The following SOX6 variants were observed in gnomAD, a reference collection of about 807,000 sequenced individuals.
SOX6 encodes the protein SRY-box transcription factor 6.
A neutral mutation model predicts 97.8 loss-of-function variants in SOX6; 11 were observed. That is an observed-to-expected ratio of 0.11 (90% CI 0.07 to 0.19). SOX6 has a LOEUF of 0.19. Among genes scored for constraint, SOX6 ranks in the 10% least tolerant of loss-of-function variants. The probability of loss-of-function intolerance (pLI) is 1.00; values close to 1 mark genes in which losing one functional copy is unlikely to be tolerated. For synonymous variants in SOX6, 360 were observed against 371.4 expected, an observed-to-expected ratio of 0.97 and a Z score of 0.35; for missense variants, 810 against 1,039.5, an observed-to-expected ratio of 0.78 and a Z score of 3.04.
intron 3 of SOX6, among the ~76,000 whole-genome samples, chr11:16,691,633 C>T (rs1328591452): frequency 6.6e-6 from 1 of 152,066 alleles, no homozygotes; most frequent in South Asian, 2.1e-4. Flanking sequence ...CCCATCTCTA[C>T]AAAAAATACA....
intron 3 of SOX6, among the ~76,000 whole-genome samples, chr11:16,657,142 G>A (rs1847727618): frequency 6.6e-6 from 1 of 152,096 alleles, no homozygotes; most frequent in Non-Finnish European, 1.5e-5. Flanking sequence ...CTAACCCCTA[G>A]CAACCACTGA....
intron 9 of SOX6, among the ~76,000 whole-genome samples, chr11:16,089,086 A>T (rs1848631056): frequency 6.6e-6 from 1 of 152,150 alleles, no homozygotes. Flanking sequence ...ACAGTGAGAA[A>T]TGAACTCAAT....
At chr11:16,450,648 A>G (rs1444022089) in intron 1 of SOX6, among the ~76,000 whole-genome samples, 1 of 152,242 alleles carries the variant, frequency 6.6e-6, no homozygotes, top group Non-Finnish European at 1.5e-5. Flanking sequence ...TTCATATATG[A>G]CAAAAACTAT....
chr11:16,021,694 G>A (rs1333622103), intron 12 of SOX6, among the ~76,000 whole-genome samples: 2 of 151,912 alleles, frequency 1.3e-5, no homozygotes, highest in East Asian at 3.9e-4. Flanking sequence ...CTATTAATTT[G>A]TCTAGTTTCT....
At chr11:16,302,566 C>CTTTTTTTTTTTTTTTTTTTTTT (rs71044096) in intron 3 of SOX6, among the ~76,000 whole-genome samples, 7 of 86,986 alleles carry the variant, frequency 8.0e-5, no homozygotes, top group Non-Finnish European at 1.3e-4. Context: ...TTCTTTTTTT[C>CTTTTTTTTTTTTTTTTTTTTTT]TTTTTTTTTT....
intron 4 of SOX6, among the ~76,000 whole-genome samples, chr11:16,213,805 C>G (rs948918251): frequency 6.6e-6 from 1 of 152,132 alleles, no homozygotes. Context: ...AATTTCAAAA[C>G]TAACTTCATT....
intron 12 of SOX6, among the ~76,000 whole-genome samples, chr11:16,030,052 A>T (rs1258331852): frequency 1.3e-5 from 2 of 152,194 alleles, no homozygotes; most frequent in Non-Finnish European, 2.9e-5. Context: ...TTGCTTCTAG[A>T]GAGCCAAACT....
intron 6 of SOX6, among the ~76,000 whole-genome samples, chr11:16,132,997 A>G (rs1197511603): frequency 6.6e-6 from 1 of 152,178 alleles, no homozygotes; most frequent in Non-Finnish European, 1.5e-5. Context: ...ATGGTAAAAT[A>G]GGCCCTGGAA....
At chr11:16,460,651 C>T (rs138132362) in intron 1 of SOX6, among the ~76,000 whole-genome samples, 106 of 152,106 alleles carry the variant, frequency 7.0e-4, no homozygotes, top group African/African-American at 2.5e-3. Context: ...ATAATATTTG[C>T]TGCAACTATA....
chr11:16,215,552 C>A (rs959875187), intron 4 of SOX6, among the ~76,000 whole-genome samples: 2 of 152,150 alleles, frequency 1.3e-5, no homozygotes, highest in Admixed American at 6.5e-5. Flanking sequence ...TATCTAGGCA[C>A]CCTGTCAACT....
Position 16,147,407 on chromosome 11 carries a change from C to T in SOX6, c.778-35484G>A, listed in dbSNP as rs915417828. On this transcript the variant is annotated intron_variant, in intron 6 of 15. Coordinates refer to ENST00000683767, the MANE Select transcript of SOX6 (RefSeq NM_001367873.1). ...AGGAGATATACCTAATGCTAAATGA[C>T]GAGTTAATGGGTGCGGCACACCAAC... Among the ~76,000 whole-genome samples, 9 of 151,842 alleles carry T rather than the reference C, an allele frequency of 5.9e-5. No homozygotes were observed. In the East Asian group the frequency reaches 9.7e-4, roughly 16 times the overall value.
At chr11:16,411,268 C>T (rs984974849) in intron 1 of SOX6, among the ~76,000 whole-genome samples, 1 of 152,076 alleles carries the variant, frequency 6.6e-6, no homozygotes, top group Non-Finnish European at 1.5e-5. Flanking sequence ...GGTTAATTGG[C>T]TTTTTCAGTT....
intron 2 of SOX6, among the ~76,000 whole-genome samples, chr11:16,725,841 C>G (rs1279681640): frequency 6.6e-6 from 1 of 152,096 alleles, no homozygotes; most frequent in African/African-American, 2.4e-5. Flanking sequence ...AATAGATGAA[C>G]TTTTTAAAAA....
intron 1 of SOX6, among the ~76,000 whole-genome samples, chr11:16,429,810 C>T (rs1859235317): frequency 6.6e-6 from 1 of 152,064 alleles, no homozygotes; most frequent in Non-Finnish European, 1.5e-5. Context: ...AACATGTACA[C>T]TTGAATGTAA....
At chr11:16,092,131 T>C (rs1253110815) in intron 9 of SOX6, among the ~76,000 whole-genome samples, 1 of 152,028 alleles carries the variant, frequency 6.6e-6, no homozygotes, top group African/African-American at 2.4e-5. Flanking sequence ...AACAAATTAC[T>C]ATGTCTAACT....
chr11:16,381,155 T>C lies in SOX6; in HGVS notation c.-4-39903A>G, dbSNP rs79581359. Among the ~76,000 whole-genome samples, 233 of 151,986 alleles carry C rather than the reference T, an allele frequency of 1.5e-3. 1 individual carries two copies. The East Asian group carries it at 0.043, about 28-fold the overall frequency. ...AACACAGATGAAGATGGTAATACCA[T>C]GAGACAAAAAGAATTTTAGAAAGAA... On this transcript the variant is annotated intron_variant, in intron 1 of 15. Coordinates refer to the SOX6 transcript ENST00000396356.
intron 4 of SOX6, among the ~76,000 whole-genome samples, chr11:16,510,347 A>G (rs1860859391): frequency 6.6e-6 from 1 of 151,988 alleles, no homozygotes; most frequent in Admixed American, 6.6e-5. Context: ...TCTTAATTCT[A>G]TACCGCCCTA....
intron 3 of SOX6, among the ~76,000 whole-genome samples, chr11:16,310,944 AT>A (rs1855583233): frequency 1.3e-5 from 2 of 151,942 alleles, no homozygotes; most frequent in South Asian, 4.1e-4. Flanking sequence ...CTTTTAATAG[AT>A]TTTTTGCTTT....
At chr11:16,591,150 C>A (rs1217805770) in intron 4 of SOX6, among the ~76,000 whole-genome samples, 1 of 151,918 alleles carries the variant, frequency 6.6e-6, no homozygotes, top group Admixed American at 6.6e-5. Flanking sequence ...TGAGAAGGGG[C>A]ATAAACATGA....
Sources: gnomAD v4.1 joint callset for allele counts (sites outside exome capture counted in the v4.1 genomes callset) on GRCh38, gnomAD v4.1.1 for gene constraint, MANE v1.5 for transcripts, NCBI Gene and HGNC (gene_info 2026-07-23, HGNC 2026-07-21) for gene names.